The following RGS6 variants were observed in gnomAD, a reference collection of about 807,000 sequenced individuals.
RGS6 encodes regulator of G protein signaling 6, also known as regulator of G-protein signaling 6.
Under a neutral mutation model 78.5 loss-of-function variants are expected in RGS6, and 30 were observed. The observed-to-expected ratio is 0.38, with a 90% CI of 0.29 to 0.52. The LOEUF (loss-of-function observed/expected upper bound fraction) is 0.52. Among genes scored for constraint, RGS6 ranks in the 20% least tolerant of loss-of-function variants. RGS6 has a pLI of 0.85. For missense variants in RGS6, 495 were observed against 609.7 expected (o/e 0.81, Z 1.98); for synonymous variants, 206 against 206.0 (o/e 1.00, Z 0.00).
chr14:71,923,808 G>A, the RGS6 span, among the ~76,000 whole-genome samples: 2 of 152,094 alleles, frequency 1.3e-5, no homozygotes, highest in Non-Finnish European at 2.9e-5. Flanking sequence ...TGGATCCAAA[G>A]GGGAATGAGG....
chr14:72,238,218 C>T (rs574839767), intron 2 of RGS6, among the ~76,000 whole-genome samples: 15 of 152,132 alleles, frequency 9.9e-5, no homozygotes, highest in Non-Finnish European at 1.6e-4. Context: ...CTCCTTTTCA[C>T]GTTCAGCTGC....
chr14:72,403,702 A>G (rs940185390), intron 3 of RGS6, among the ~76,000 whole-genome samples: 1 of 152,200 alleles, frequency 6.6e-6, no homozygotes, highest in Admixed American at 6.5e-5. Flanking sequence ...ACCACTCTAT[A>G]CCCTATAAAG....
Position 72,445,339 on chromosome 14 carries a change from GC to G in RGS6, c.185-9187del, listed in dbSNP as rs576387934. ...CAAGTAGCTGGGACTACAGGCACCT[GC>G]CACCATGCCCAGCTAATTTTTGTAT... On this transcript the variant is annotated intron_variant, in intron 3 of 17. Coordinates refer to ENST00000553525, the MANE Select transcript of RGS6 (RefSeq NM_001204424.2). Among the ~76,000 whole-genome samples, 53 of 152,260 alleles carry G rather than the reference GC, an allele frequency of 3.5e-4. No homozygotes were observed. The South Asian group carries it at 6.8e-3, about 20-fold the overall frequency.
intron 2 of RGS6, among the ~76,000 whole-genome samples, chr14:72,309,010 C>T (rs949860415): frequency 1.3e-5 from 2 of 152,228 alleles, no homozygotes; most frequent in Non-Finnish European, 2.9e-5. Flanking sequence ...GGTTTCTTTG[C>T]GATGTGTAAT....
chr14:71,930,222 A>G (rs36328), upstream of RGS6, among the ~76,000 whole-genome samples: 9,193 of 152,150 alleles, frequency 0.06, 378 homozygotes, highest in Non-Finnish European at 0.091. Flanking sequence ...TTCATCTCCA[A>G]CTTCAAGGCA....
intron 2 of RGS6, among the ~76,000 whole-genome samples, chr14:72,337,832 A>G (rs527523197): frequency 2.0e-5 from 3 of 152,222 alleles, no homozygotes; most frequent in Non-Finnish European, 2.9e-5. Flanking sequence ...TATTTATCCC[A>G]CTGAATTTCA....
At chr14:72,423,796 C>T (rs2094315505) in intron 3 of RGS6, among the ~76,000 whole-genome samples, 1 of 152,154 alleles carries the variant, frequency 6.6e-6, no homozygotes, top group Non-Finnish European at 1.5e-5. Flanking sequence ...TATAACAAAC[C>T]TGCACATGTA....
intron 2 of RGS6, among the ~76,000 whole-genome samples, chr14:72,301,666 T>C (rs1251050924): frequency 6.6e-6 from 1 of 152,210 alleles, no homozygotes; most frequent in Non-Finnish European, 1.5e-5. Context: ...TTGGCAGTGT[T>C]GGCTCCTACC....
At chr14:72,536,123 G>T in intron 15 of RGS6, 63 bp from the exon 16 acceptor site, 1 of 1,221,226 alleles carries the variant, frequency 8.2e-7, no homozygotes, top group Non-Finnish European at 1.2e-6. Context: ...CAATTGGATT[G>T]TAATATTCTT....
At chr14:72,290,598 T>C (rs528616048) in intron 2 of RGS6, among the ~76,000 whole-genome samples, 1 of 152,192 alleles carries the variant, frequency 6.6e-6, no homozygotes, top group East Asian at 1.9e-4. Flanking sequence ...GTTGACACTT[T>C]TGGGGATTGA....
At chr14:72,143,812 C>G (rs1043150988) in intron 2 of RGS6, among the ~76,000 whole-genome samples, 1 of 152,092 alleles carries the variant, frequency 6.6e-6, no homozygotes. Flanking sequence ...TAAATTTTCT[C>G]TCAGCAATGT....
chr14:71,935,642 A>T (rs1448691760), intron 1 of RGS6, among the ~76,000 whole-genome samples: 1 of 152,194 alleles, frequency 6.6e-6, no homozygotes, highest in African/African-American at 2.4e-5. Context: ...GGATTAAAGC[A>T]TCAGAAAAGA....
chr14:72,133,098 A>G (rs1483070221), intron 2 of RGS6, among the ~76,000 whole-genome samples: 1 of 152,158 alleles, frequency 6.6e-6, no homozygotes, highest in African/African-American at 2.4e-5. Flanking sequence ...AAGCAGAAAC[A>G]TGTCCATCTC....
chr14:71,898,921 A>T, the RGS6 span, among the ~76,000 whole-genome samples: 1 of 152,258 alleles, frequency 6.6e-6, no homozygotes, highest in East Asian at 1.9e-4. Flanking sequence ...ACACTTTTAT[A>T]AGTTAGAATA....
At chr14:72,344,248 A>G (rs542316200) in intron 2 of RGS6, among the ~76,000 whole-genome samples, 116 of 152,198 alleles carry the variant, frequency 7.6e-4, no homozygotes, top group Non-Finnish European at 8.8e-4. Flanking sequence ...CCATATGGCA[A>G]TATTAAAACT....
chr14:72,171,659 A>G (rs1188797323), intron 2 of RGS6, among the ~76,000 whole-genome samples: 1 of 152,222 alleles, frequency 6.6e-6, no homozygotes, highest in Non-Finnish European at 1.5e-5. Flanking sequence ...GGCTTCTATC[A>G]TGAAACTTCA....
chr14:72,327,918 T>TAG (rs937449782), intron 2 of RGS6, among the ~76,000 whole-genome samples: 25 of 148,610 alleles, frequency 1.7e-4, no homozygotes, highest in African/African-American at 6.3e-4. Context: ...CCTAGATATA[T>TAG]AGATATATAT....
chr14:72,116,396 A>G (rs768806143), intron 2 of RGS6, among the ~76,000 whole-genome samples: 2 of 151,988 alleles, frequency 1.3e-5, no homozygotes, highest in African/African-American at 2.4e-5. Context: ...CAACCATGAC[A>G]TCATTGGCAT....
downstream of RGS6, among the ~76,000 whole-genome samples, chr14:72,567,208 T>A (rs998022252): frequency 1.3e-4 from 20 of 152,152 alleles, no homozygotes; most frequent in African/African-American, 4.8e-4. Flanking sequence ...GGGAACCAAC[T>A]CATCTTTCAA....
Sources: gnomAD v4.1 joint callset for allele counts (sites outside exome capture counted in the v4.1 genomes callset) on GRCh38, gnomAD v4.1.1 for gene constraint, MANE v1.5 for transcripts, NCBI Gene and HGNC (gene_info 2026-07-23, HGNC 2026-07-21) for gene names.